The following DNAH14 variants were observed in gnomAD, a reference collection of about 807,000 sequenced individuals.
DNAH14 encodes the protein dynein axonemal heavy chain 14, also known as axonemal beta dynein heavy chain 14.
In DNAH14, 478 loss-of-function variants were observed where a neutral mutation model predicts 520.9. The ratio of observed to expected loss-of-function variants is 0.92; its 90% CI spans 0.85 to 0.99. The LOEUF (loss-of-function observed/expected upper bound fraction) is 0.99. Ranked by LOEUF, DNAH14 falls within the 50% of genes least tolerant of loss-of-function variation. The probability of loss-of-function intolerance (pLI) is 0.00; values close to 1 mark genes in which losing one functional copy is unlikely to be tolerated. For synonymous variants in DNAH14, 1,581 were observed against 1,757.2 expected, an observed-to-expected ratio of 0.90 and a Z score of 2.51; for missense variants, 4,831 against 5,234.5, an observed-to-expected ratio of 0.92 and a Z score of 2.38.
chr1:225,337,154 G>A, intron 66 of DNAH14, 112 bp from the exon 67 acceptor site: 2 of 914,812 alleles, frequency 2.2e-6, no homozygotes, highest in Non-Finnish European at 3.3e-6. Context: ...TTTTTAAACA[G>A]TATTTCTTTT....
intron 81 of DNAH14, among the ~76,000 whole-genome samples, chr1:225,382,435 A>G (rs1538934): frequency 0.99 from 151,353 of 152,272 alleles, 75,229 homozygotes; most frequent in Middle Eastern, 1. Context: ...GGCCGGGCAC[A>G]GGGCCTCATG....
At chr1:224,951,192 ATTTTTGTAT>A (rs749624412) in intron 1 of DNAH14, among the ~76,000 whole-genome samples, 1 of 151,960 alleles carries the variant, frequency 6.6e-6, no homozygotes. Context: ...CTCCTGGCTA[ATTTTTGTAT>A]TTTTAGTAGA....
chr1:225,109,621 TC>T (rs2076336867), intron 23 of DNAH14, among the ~76,000 whole-genome samples: 1 of 152,170 alleles, frequency 6.6e-6, no homozygotes, highest in African/African-American at 2.4e-5. Flanking sequence ...CTTTAGGTTT[TC>T]CCCTATATAA....
At chr1:225,335,997 GCATATA>G (rs2095033554) in intron 66 of DNAH14, among the ~76,000 whole-genome samples, 1 of 84,748 alleles carries the variant, frequency 1.2e-5, no homozygotes, top group Admixed American at 1.2e-4. Flanking sequence ...ACACACATAT[GCATATA>G]TGTATACGCA....
At chr1:225,174,132 G>A (rs897695145) in intron 36 of DNAH14, among the ~76,000 whole-genome samples, 3 of 151,886 alleles carry the variant, frequency 2.0e-5, no homozygotes, top group Admixed American at 6.6e-5. Context: ...GAGAGGGGAG[G>A]GATAGCATTA....
chr1:225,213,846 T>C (rs2088845882), intron 41 of DNAH14, among the ~76,000 whole-genome samples: 1 of 152,210 alleles, frequency 6.6e-6, no homozygotes, highest in Non-Finnish European at 1.5e-5. Context: ...ACTCATGTCA[T>C]CTGCAAACAG....
rs1559169956 is a variant in DNAH14, at chr1:225,171,134, AT to A, written c.5535+3109del. Reference sequence around the variant, plus strand: ...CATTCAAAGCAGTGTGTAGAGGGAAATTTATAGCACTAAATGCCCACAAGAG... The same window carrying A: ...CATTCAAAGCAGTGTGTAGAGGGAAATTATAGCACTAAATGCCCACAAGAG... On this transcript the variant is annotated intron_variant, in intron 36 of 85. Transcript: ENST00000682510. 3.3e-5 allele frequency among the ~76,000 whole-genome samples: 5 copies of A among 152,336 alleles called. No homozygotes were observed. The South Asian group carries it at 1.0e-3, about 32-fold the overall frequency.
rs975371358 is a variant in DNAH14 at position 225,181,489 on chromosome 1, T to C, written c.5536-3802T>C. The stretch of plus-strand genomic sequence containing the variant: ...TTTTCTCTACAGCATCACCAGCATA[T>C]GTTTTTGTTTTACATTTTAGTAGCA... On this transcript the variant is annotated intron_variant, in intron 36 of 85. Coordinates refer to ENST00000682510, the MANE Select transcript of DNAH14 (RefSeq NM_001367479.1). Among the ~76,000 whole-genome samples, 8 of 152,166 alleles carry C rather than the reference T, an allele frequency of 5.3e-5. No individual in the cohort carries two copies. In the East Asian group the frequency reaches 1.3e-3, roughly 26 times the overall value.
chr1:225,095,827 T>TAC (rs1458629997), intron 21 of DNAH14, among the ~76,000 whole-genome samples: 1 of 152,058 alleles, frequency 6.6e-6, no homozygotes, highest in Non-Finnish European at 1.5e-5. Context: ...TGCCTGGTGG[T>TAC]AGGGTAGGGA....
chr1:225,014,501 A>G (rs1362617691), intron 10 of DNAH14, among the ~76,000 whole-genome samples: 4 of 151,728 alleles, frequency 2.6e-5, no homozygotes, highest in Non-Finnish European at 5.9e-5. Flanking sequence ...GTTTTGATAT[A>G]TTATGTTTCA....
At chr1:224,952,095 A>G (rs1208414165) in intron 1 of DNAH14, among the ~76,000 whole-genome samples, 1 of 152,188 alleles carries the variant, frequency 6.6e-6, no homozygotes, top group Non-Finnish European at 1.5e-5. Context: ...CAGTTACAGT[A>G]CACGGCCATG....
chr1:225,051,046 C>T (rs79903334), intron 16 of DNAH14, among the ~76,000 whole-genome samples: 4,246 of 152,262 alleles, frequency 0.028, 83 homozygotes, highest in Non-Finnish European at 0.043. Flanking sequence ...CCACCACTCA[C>T]CGCCTGCTGT....
chr1:225,059,183 G>T (rs2148391608), intron 17 of DNAH14, among the ~76,000 whole-genome samples: 1 of 152,284 alleles, frequency 6.6e-6, no homozygotes, highest in South Asian at 2.1e-4. Flanking sequence ...AGGTCTCCAA[G>T]GACTTGCTTT....
At chr1:225,115,731 C>T (rs2148848197) in intron 23 of DNAH14, among the ~76,000 whole-genome samples, 1 of 152,314 alleles carries the variant, frequency 6.6e-6, no homozygotes, top group South Asian at 2.1e-4. Context: ...ATATTTCCAG[C>T]ACATCTTTAG....
chr1:225,360,935 A>G (rs2095485657), intron 75 of DNAH14, 44 bp downstream of exon 75: 4 of 1,510,800 alleles, frequency 2.6e-6, no homozygotes, highest in African/African-American at 1.4e-5. Flanking sequence ...ATTGGTTACC[A>G]AAACTATAAA....
chr1:225,069,281 G>C (rs747327351), intron 17 of DNAH14, among the ~76,000 whole-genome samples: 23 of 152,086 alleles, frequency 1.5e-4, no homozygotes, highest in Non-Finnish European at 2.6e-4. Context: ...CTTTTCTTCT[G>C]CCAGTTTTTA....
In DNAH14 at chr1:225,165,570, TTTGGTTGG is replaced by T. The variant is rs3043025; in HGVS notation, c.5446-2346_5446-2339del. ...TTTGTTTTTTTTTTTTACTTGTTTG[TTTGGTTGG>T]TTGGTTGGTTGGTTGGTTGGTTTTT... is the stretch of plus-strand genomic sequence containing the variant. On this transcript the variant is annotated intron_variant, in intron 35 of 85. Transcript: ENST00000682510. Among the ~76,000 whole-genome samples the T allele has an allele frequency of 3.3e-3, 498 of 150,494 alleles. 2 individuals are homozygous for T. The highest frequency in any genetic ancestry group is 0.011 in the African/African-American group (457 of 40,944).
chr1:225,213,113 A>C (rs1049089034), intron 41 of DNAH14, among the ~76,000 whole-genome samples: 3 of 152,208 alleles, frequency 2.0e-5, no homozygotes, highest in African/African-American at 7.2e-5. Context: ...ATCCAGTTTC[A>C]ACTTTCTACA....
At chr1:225,228,834 G>A (rs1418911753) in intron 41 of DNAH14, among the ~76,000 whole-genome samples, 2 of 152,102 alleles carry the variant, frequency 1.3e-5, no homozygotes, top group African/African-American at 4.8e-5. Context: ...AGAAATTATA[G>A]GAAAAGATGC....
Sources: allele counts gnomAD v4.1 joint callset (sites outside exome capture counted in the v4.1 genomes callset), GRCh38; gene constraint gnomAD v4.1.1; transcripts MANE v1.5; gene names NCBI Gene and HGNC (gene_info 2026-07-23, HGNC 2026-07-21).